The following MAF variants were observed in gnomAD, a reference collection of about 807,000 sequenced individuals.
MAF encodes the protein MAF bZIP transcription factor, also known as transcription factor Maf.
In MAF, 10 loss-of-function variants were observed where a neutral mutation model predicts 22.0. That is an observed-to-expected ratio of 0.45 (90% CI 0.28 to 0.77). The LOEUF is 0.77. Ranked by LOEUF, MAF falls within the 30% of genes least tolerant of loss-of-function variation. The pLI is 0.12. For missense variants in MAF, 544 were observed against 548.4 expected, an observed-to-expected ratio of 0.99 and a Z score of 0.08; for synonymous variants, 337 against 255.8, an observed-to-expected ratio of 1.32 and a Z score of -3.03.
chr16:79,315,907 G>T, the MAF span, among the ~76,000 whole-genome samples: 1 of 152,282 alleles, frequency 6.6e-6, no homozygotes, highest in African/African-American at 2.4e-5. Flanking sequence ...CCATCAATCT[G>T]CTCCTGGGTG....
chr16:79,364,217 T>C, the MAF span, among the ~76,000 whole-genome samples: 3 of 152,186 alleles, frequency 2.0e-5, no homozygotes, highest in South Asian at 2.1e-4. Flanking sequence ...GTGGGGGATG[T>C]GAATTTTAGA....
At chr16:79,257,163 C>T in the MAF span, among the ~76,000 whole-genome samples, 27 of 151,276 alleles carry the variant, frequency 1.8e-4, no homozygotes, top group South Asian at 4.2e-4. Context: ...GGTGACACAG[C>T]GAAATTCCAC....
Position 79,594,454 on chromosome 16 carries a change from C to A in MAF, c.*6G>T, listed in dbSNP as rs2061660565. 1 of 1,554,754 alleles carries A rather than the reference C, an allele frequency of 6.4e-7. No homozygotes were observed. Among genetic ancestry groups the A allele is most frequent in the South Asian group, 1.2e-5 (1 of 84,368 alleles). On this transcript the variant is annotated 3_prime_UTR_variant, in exon 2 of 2. Transcript: ENST00000326043. ...TTTTTTTTAATGTACAGCTCTCACA[C>A]AAATTTCATTTTGTGAACACACTGG...
the MAF span, among the ~76,000 whole-genome samples, chr16:79,525,367 T>C: frequency 6.6e-6 from 1 of 152,226 alleles, no homozygotes; most frequent in Non-Finnish European, 1.5e-5. Context: ...AGCACGGCTC[T>C]GTCCACGGCC....
chr16:79,504,675 G>T, the MAF span, among the ~76,000 whole-genome samples: 1 of 152,090 alleles, frequency 6.6e-6, no homozygotes, highest in Non-Finnish European at 1.5e-5. Flanking sequence ...ATGTTTGATG[G>T]ATGGATGGAT....
chr16:79,416,381 A>C, the MAF span, among the ~76,000 whole-genome samples: 1 of 152,120 alleles, frequency 6.6e-6, no homozygotes, highest in African/African-American at 2.4e-5. Flanking sequence ...TGTTCCCAGC[A>C]TGTGAAACAG....
chr16:79,443,456 C>T, the MAF span, among the ~76,000 whole-genome samples: 3 of 152,148 alleles, frequency 2.0e-5, no homozygotes, highest in Non-Finnish European at 4.4e-5. Flanking sequence ...ATGGCCCAAG[C>T]CTGGGCTTCC....
the MAF span, among the ~76,000 whole-genome samples, chr16:79,428,065 C>G: frequency 7.3e-6 from 1 of 136,520 alleles, no homozygotes; most frequent in South Asian, 2.5e-4. Flanking sequence ...GCACTCTAGC[C>G]CAGGCGACAG....
At chr16:79,513,249 C>T in the MAF span, among the ~76,000 whole-genome samples, 2 of 152,230 alleles carry the variant, frequency 1.3e-5, no homozygotes, top group African/African-American at 4.8e-5. Context: ...GGCAGCCTGT[C>T]GCAGTAGACG....
At chr16:79,457,667 C>T in the MAF span, among the ~76,000 whole-genome samples, 1 of 152,134 alleles carries the variant, frequency 6.6e-6, no homozygotes, top group South Asian at 2.1e-4. Context: ...GGTGAGGGGA[C>T]TCTAGGAAGA....
At chr16:79,480,303 A>G in the MAF span, among the ~76,000 whole-genome samples, 1 of 150,982 alleles carries the variant, frequency 6.6e-6, no homozygotes, top group South Asian at 2.1e-4. Context: ...GGCAGGCAGA[A>G]TTCTCAGCTG....
the MAF span, among the ~76,000 whole-genome samples, chr16:79,348,886 G>C: frequency 6.6e-6 from 1 of 152,202 alleles, no homozygotes; most frequent in South Asian, 2.1e-4. Context: ...GAGAGGTGTT[G>C]TTAAGCGTTC....
the MAF span, among the ~76,000 whole-genome samples, chr16:79,216,319 G>A: frequency 6.6e-6 from 1 of 152,094 alleles, no homozygotes; most frequent in Non-Finnish European, 1.5e-5. Context: ...ACATATATGT[G>A]GCACATGTGC....
the MAF span, among the ~76,000 whole-genome samples, chr16:79,569,243 T>C: frequency 2.0e-5 from 3 of 152,198 alleles, no homozygotes; most frequent in African/African-American, 7.2e-5. Flanking sequence ...TTTAGCATTA[T>C]CCCTCGTCTC....
chr16:79,342,461 T>A, the MAF span, among the ~76,000 whole-genome samples: 2 of 152,142 alleles, frequency 1.3e-5, no homozygotes, highest in Non-Finnish European at 2.9e-5. Flanking sequence ...AGCCTTTTTT[T>A]CTTTTATCAG....
At chr16:79,351,759 C>T in the MAF span, among the ~76,000 whole-genome samples, 1 of 152,144 alleles carries the variant, frequency 6.6e-6, no homozygotes, top group African/African-American at 2.4e-5. Flanking sequence ...TCCCAGGTTT[C>T]CAGTGACAAG....
chr16:79,280,877 G>C, the MAF span, among the ~76,000 whole-genome samples: 1 of 152,194 alleles, frequency 6.6e-6, no homozygotes, highest in Non-Finnish European at 1.5e-5. Flanking sequence ...ATTCCTTATT[G>C]AGTATGAATT....
At chr16:79,542,067 T>C in the MAF span, among the ~76,000 whole-genome samples, 1 of 152,162 alleles carries the variant, frequency 6.6e-6, no homozygotes, top group Non-Finnish European at 1.5e-5. Flanking sequence ...TTGGTCCCAG[T>C]TCTCCTGACT....
the MAF span, among the ~76,000 whole-genome samples, chr16:79,337,021 A>G: frequency 6.6e-5 from 10 of 152,242 alleles, no homozygotes. Flanking sequence ...GGCATCAAAT[A>G]AATCATCAGA....
Sources: gnomAD v4.1 joint callset for allele counts (sites outside exome capture counted in the v4.1 genomes callset) on GRCh38, gnomAD v4.1.1 for gene constraint, MANE v1.5 for transcripts, NCBI Gene and HGNC (gene_info 2026-07-23, HGNC 2026-07-21) for gene names.